PTCHD4: variants seen among roughly 807,000 people sequenced by gnomAD.
The protein encoded by PTCHD4 is patched domain-containing protein 4.
In PTCHD4, 33 loss-of-function variants were observed where a neutral mutation model predicts 58.1. The ratio of observed to expected loss-of-function variants is 0.57; its 90% CI spans 0.43 to 0.76. The LOEUF (loss-of-function observed/expected upper bound fraction) is 0.76, where lower values mean the gene tolerates loss of function less well. PTCHD4 is among the 30% of genes least tolerant of loss of function. The probability of loss-of-function intolerance (pLI) is 0.00; values close to 1 mark genes in which losing one functional copy is unlikely to be tolerated. For missense variants in PTCHD4, 1,058 were observed against 1,027.1 expected (o/e 1.03, Z -0.41); for synonymous variants, 478 against 409.6 (o/e 1.17, Z -2.02).
intron 3 of PTCHD4, among the ~76,000 whole-genome samples, chr6:48,066,856 T>A (rs527893339): frequency 1.3e-5 from 2 of 151,396 alleles, no homozygotes; most frequent in Non-Finnish European, 2.9e-5. Flanking sequence ...AGTTTCTAAG[T>A]GCATTAAATC....
rs376646340 is a variant in PTCHD4 at position 48,025,969 on chromosome 6, C to CAGCA, written c.418-16859_418-16856dup. Reference sequence around the variant, plus strand: ...CAATGACTCCTACCACTCTCTCCAACAGCAATTTGAACATGACCTCACAGC... The same window carrying CAGCA: ...CAATGACTCCTACCACTCTCTCCAACAGCAAGCAATTTGAACATGACCTCACAGC... On this transcript the variant is annotated intron_variant, in intron 3 of 4. Coordinates refer to ENST00000339488, the MANE Select transcript of PTCHD4 (RefSeq NM_001384253.1). Among the ~76,000 whole-genome samples, 1,123 of 152,238 alleles carry CAGCA rather than the reference C, an allele frequency of 7.4e-3. 9 individuals are homozygous for CAGCA. Among genetic ancestry groups the CAGCA allele is most frequent in the African/African-American group, 0.024 (1,004 of 41,532 alleles).
At chr6:48,100,177 G>A (rs1175038613) in intron 1 of PTCHD4, among the ~76,000 whole-genome samples, 1 of 152,150 alleles carries the variant, frequency 6.6e-6, no homozygotes, top group East Asian at 1.9e-4. Context: ...ACAAGTTGAA[G>A]TTTCTGTTGC....
intron 4 of PTCHD4, among the ~76,000 whole-genome samples, chr6:47,896,141 A>T (rs569523137): frequency 5.3e-5 from 8 of 152,234 alleles, no homozygotes; most frequent in Non-Finnish European, 8.8e-5. Context: ...GGAAGATGGC[A>T]GAGAGATGAA....
intron 4 of PTCHD4, among the ~76,000 whole-genome samples, chr6:47,983,185 A>C: frequency 6.6e-6 from 1 of 152,186 alleles, no homozygotes; most frequent in East Asian, 1.9e-4. Flanking sequence ...TATGTTGGAG[A>C]TAAAATGGAG....
intron 4 of PTCHD4, among the ~76,000 whole-genome samples, chr6:47,897,445 C>T (rs988824256): frequency 3.9e-5 from 6 of 152,152 alleles, no homozygotes; most frequent in African/African-American, 7.2e-5. Context: ...ACCAGTCACC[C>T]GTCTCTTAAC....
Position 47,867,278 on chromosome 6 carries a change from T to A in PTCHD4, c.*11025A>T, listed in dbSNP as rs1455181672. 6.6e-6 allele frequency among the ~76,000 whole-genome samples: 1 copy of A among 151,754 alleles called. No homozygotes were observed. The highest frequency in any genetic ancestry group is 2.4e-5 in the African/African-American group (1 of 41,358). Reference sequence around the variant, plus strand: ...GTGCCAGAACGTGGACGGTGTTCCATCATCAGGAGAATCAAACTCATGCTC... The same window carrying A: ...GTGCCAGAACGTGGACGGTGTTCCAACATCAGGAGAATCAAACTCATGCTC... On this transcript the variant is annotated 3_prime_UTR_variant, in exon 5 of 5. Coordinates refer to ENST00000339488, the MANE Select transcript of PTCHD4 (RefSeq NM_001384253.1).
Position 47,863,704 on chromosome 6 carries a change from C to G in PTCHD4, c.*14599G>C, listed in dbSNP as rs1041853085. Among the ~76,000 whole-genome samples, 1 of 151,922 alleles carries G rather than the reference C, an allele frequency of 6.6e-6. No homozygotes were observed. Among genetic ancestry groups the G allele is most frequent in the African/African-American group, 2.4e-5 (1 of 41,378 alleles). ...GTGCTAGTTCTAGTATACAGTGGTT[C>G]TAGTTAAACCAGTCTATAACAGGAC... On this transcript the variant is annotated 3_prime_UTR_variant, in exon 5 of 5. Transcript: ENST00000339488.
At chr6:47,963,079 A>C (rs1767157819) in intron 4 of PTCHD4, among the ~76,000 whole-genome samples, 1 of 152,068 alleles carries the variant, frequency 6.6e-6, no homozygotes, top group South Asian at 2.1e-4. Flanking sequence ...CAGTGAGCCA[A>C]GATCGTACCA....
intron 1 of PTCHD4, among the ~76,000 whole-genome samples, chr6:48,073,047 A>T (rs1350468559): frequency 6.6e-6 from 1 of 152,198 alleles, no homozygotes; most frequent in East Asian, 1.9e-4. Context: ...AATATTCCAG[A>T]TTAGCCCACA....
Position 47,870,622 on chromosome 6 carries a change from G to A in PTCHD4, c.*7681C>T, listed in dbSNP as rs954413542. On this transcript the variant is annotated 3_prime_UTR_variant, in exon 5 of 5. Transcript: ENST00000339488. ...GACTTTTGGTTTGGGTTCTTAGTAA[G>A]ATCAAAAATAGGTACTTTTAGAATA... is the stretch of plus-strand genomic sequence containing the variant. 1.1e-4 allele frequency among the ~76,000 whole-genome samples: 17 copies of A among 151,548 alleles called. 1 individual carries two copies.
Position 47,880,236 on chromosome 6 carries a change from A to C in PTCHD4, c.899-300T>G, listed in dbSNP as rs191679077. Among the ~76,000 whole-genome samples, 5 of 152,288 alleles carry C rather than the reference A, an allele frequency of 3.3e-5. No homozygotes were observed. In the East Asian group the frequency reaches 9.7e-4, roughly 30 times the overall value. ...TTATTACATGATGTTTTTCCCCTGA[A>C]CACATATTGTCTTCCTAAATAGACA... On this transcript the variant is annotated intron_variant, in intron 4 of 4. Transcript: ENST00000339488.
chr6:48,019,430 G>A (rs1275925365), intron 3 of PTCHD4, among the ~76,000 whole-genome samples: 2 of 152,036 alleles, frequency 1.3e-5, no homozygotes, highest in Non-Finnish European at 2.9e-5. Flanking sequence ...TAAGTAGGCA[G>A]GCATTTTAAA....
At chr6:48,065,086 C>T (rs952474606) in intron 3 of PTCHD4, among the ~76,000 whole-genome samples, 1 of 152,110 alleles carries the variant, frequency 6.6e-6, no homozygotes, top group Non-Finnish European at 1.5e-5. Flanking sequence ...ATCAGAAGTT[C>T]TAAACCTTTC....
chr6:47,940,878 T>C (rs892732182), intron 4 of PTCHD4, among the ~76,000 whole-genome samples: 3 of 152,186 alleles, frequency 2.0e-5, no homozygotes, highest in Non-Finnish European at 4.4e-5. Context: ...AATATTAAAA[T>C]GTGAAAGGGG....
chr6:47,878,582 G>C lies in PTCHD4; in HGVS notation c.2253C>G (p.Asp751Glu), dbSNP rs2114094645. 2 of 1,613,578 alleles carry C rather than the reference G, an allele frequency of 1.2e-6. No homozygotes were observed. ...RTQCIKSSLQ[D>E]HGTAILQNVT... ...CATTTTGCAAAATGGCTGTCCCATG[G>C]TCTTGCAAGGAGCTTTTTATACATT... Residue 751 changes from aspartate (D) to glutamate (E), a missense_variant, in exon 5 of 5, where the codon GAC becomes GAG. Transcript: ENST00000339488.
At position 47,959,868 on chromosome 6, in the gene PTCHD4, GAA is replaced by G. The variant is rs369236237; in HGVS notation, c.898+48764_898+48765del. Reference sequence around the variant, plus strand: ...AATGTTAAAAGGAGTCTTCCAAATAGAAAAAAAAAAAGATGAAAATATCGTTC... The same window carrying G: ...AATGTTAAAAGGAGTCTTCCAAATAGAAAAAAAAAGATGAAAATATCGTTC... On this transcript the variant is annotated intron_variant, in intron 4 of 4. Transcript: ENST00000339488. 7.0e-4 allele frequency among the ~76,000 whole-genome samples: 91 copies of G among 129,814 alleles called. 1 individual carries two copies. Among genetic ancestry groups the G allele is most frequent in the African/African-American group, 1.7e-3 (62 of 36,906 alleles). 85.2% of individuals were successfully genotyped at this position (129,814 alleles called of 152,430 possible).
intron 4 of PTCHD4, among the ~76,000 whole-genome samples, chr6:48,005,443 T>C (rs1762398678): frequency 6.6e-6 from 1 of 152,228 alleles, no homozygotes; most frequent in Admixed American, 6.5e-5. Context: ...TTAGGGATTA[T>C]GCAGTTTTGA....
In PTCHD4 at chr6:48,036,587, T is replaced by C. The variant is rs535553547; in HGVS notation, c.418-27473A>G. ...AGTCATTTAGTAGCTGCCACAGTTA[T>C]CAGAAATTCTGTTGTGGTACTGCAG... On this transcript the variant is annotated intron_variant, in intron 3 of 4. Coordinates refer to ENST00000339488, the MANE Select transcript of PTCHD4 (RefSeq NM_001384253.1). Among the ~76,000 whole-genome samples the C allele has an allele frequency of 2.4e-4, 36 of 152,256 alleles. No homozygotes were observed. In the South Asian group the frequency reaches 7.1e-3, roughly 30 times the overall value.
At chr6:47,879,977 C>T in intron 4 of PTCHD4, 41 bp from the exon 5 acceptor site, 3 of 1,354,846 alleles carry the variant, frequency 2.2e-6, no homozygotes, top group South Asian at 1.6e-5. Flanking sequence ...ATTTTTATTT[C>T]CTCCTATGGC....
Sources: allele counts gnomAD v4.1 joint callset (sites outside exome capture counted in the v4.1 genomes callset), GRCh38; gene constraint gnomAD v4.1.1; transcripts MANE v1.5; gene names NCBI Gene and HGNC (gene_info 2026-07-23, HGNC 2026-07-21).